Variants in PLA2G4F observed in about 807,000 individuals in gnomAD.
PLA2G4F encodes the protein cytosolic phospholipase A2 zeta.
PLA2G4F carries 105 observed loss-of-function variants against 103.1 expected under a neutral mutation model. The ratio of observed to expected loss-of-function variants is 1.02; its 90% CI spans 0.87 to 1.20. The LOEUF (loss-of-function observed/expected upper bound fraction) is 1.20. Among genes scored for constraint, PLA2G4F ranks in the 50% most tolerant of loss-of-function variants. PLA2G4F has a pLI of 0.00. For missense variants in PLA2G4F, 1,155 were observed against 1,075.9 expected, an observed-to-expected ratio of 1.07 and a Z score of -1.03; for synonymous variants, 468 against 441.1, an observed-to-expected ratio of 1.06 and a Z score of -0.76.
chr15:42,148,671 C>T, intron 11 of PLA2G4F: 1 of 985,396 alleles, frequency 1.0e-6, no homozygotes, highest in South Asian at 4.7e-5. Context: ...TAGACCTGCC[C>T]CCAGGCACCA....
chr15:42,154,370 G>T lies in PLA2G4F; in HGVS notation c.273C>A (p.Asp91Glu). ...AQTRIVANCS[D>E]PEWNETFHYQ... is the part of the protein sequence containing the mutation. ...AGTGGAAGGTCTCATTCCACTCGGG[G>T]TCACTGCAGTTGGCCACTATCCTAG... is the stretch of plus-strand genomic sequence containing the variant. Residue 91 changes from aspartate (D) to glutamate (E), a missense_variant, in exon 3 of 20, where the codon GAC becomes GAA. Around this residue, in one of 3 missense-constraint regions of PLA2G4F, gnomAD observed 370 missense variants for 364.9 expected, o/e 1.01. Coordinates refer to ENST00000397272, the MANE Select transcript of PLA2G4F (RefSeq NM_213600.4). 1.2e-6 allele frequency: 2 copies of T among 1,612,320 alleles called. No individual in the cohort carries two copies. The highest frequency in any genetic ancestry group is 1.7e-6 in the Non-Finnish European group (2 of 1,178,844).
In PLA2G4F at chr15:42,154,410, G is replaced by C; in HGVS notation, c.233C>G (p.Pro78Arg). The change falls in exon 3 of 20, where the codon CCA (proline) becomes CGA (arginine). Residue 78 changes from proline (P) to arginine (R), a missense_variant. By Grantham distance (103) the Pro-to-Arg change is moderately radical. Around this residue, in one of 3 missense-constraint regions of PLA2G4F, gnomAD observed 370 missense variants for 364.9 expected, o/e 1.01. Transcript: ENST00000397272. ...CACTATCCTAGTCTGGGCAGGGCTT[G>C]GGGACGCCGTGGGCAGCCACAGTTG... ...YVQLWLPTAS[P>R]SPAQTRIVAN... The C allele has an allele frequency of 6.2e-7, 1 of 1,610,168 alleles. No homozygotes were observed. Among genetic ancestry groups the C allele is most frequent in the Non-Finnish European group, 8.5e-7 (1 of 1,177,270 alleles).
intron 18 of PLA2G4F, 77 bp downstream of exon 18, chr15:42,143,901 C>G (rs1039083756): frequency 1.3e-6 from 2 of 1,485,884 alleles, no homozygotes; most frequent in Non-Finnish European, 1.8e-6. Context: ...CCAGAGCCTT[C>G]TTTCCCCTCC....
intron 16 of PLA2G4F, 54 bp from the exon 17 acceptor site, chr15:42,144,698 C>A (rs2048863494): frequency 6.7e-7 from 1 of 1,485,002 alleles, no homozygotes. Context: ...CTCCTTTGCC[C>A]AGTGGTCCTT....
chr15:42,155,930 G>A (rs1414617103), intron 1 of PLA2G4F, among the ~76,000 whole-genome samples: 1 of 152,154 alleles, frequency 6.6e-6, no homozygotes, highest in Non-Finnish European at 1.5e-5. Flanking sequence ...TGCTAATGTT[G>A]TGCTTGAGAA....
At position 42,155,519 on chromosome 15, in the gene PLA2G4F, AG is replaced by A. The variant is rs1566883069; in HGVS notation, c.181del (p.Leu61CysfsTer25). 6.2e-7 allele frequency: 1 copy of A among 1,613,990 alleles called. No homozygotes were observed. The highest frequency in any genetic ancestry group is 2.2e-5 in the East Asian group (1 of 44,888). On this transcript the variant is annotated frameshift_variant, in exon 2 of 20. Coordinates refer to ENST00000397272, the MANE Select transcript of PLA2G4F (RefSeq NM_213600.4). LOFTEE classifies it high-confidence loss of function. Reference protein sequence around the residue: ...LRATNIRGTDLLSKADCYVQL... With the variant: ...LRATNIRGTDXLSKADCYVQL... ...AGGATGGAGATGGGGTCACTCACGC[AG>A]GTCTGTGCCCCGGATGTTTGTGGCC...
intron 1 of PLA2G4F, 35 bp from the exon 2 acceptor site, chr15:42,155,624 A>G: frequency 6.3e-7 from 1 of 1,597,988 alleles, no homozygotes; most frequent in Non-Finnish European, 8.6e-7. Context: ...TCAGTCAGCT[A>G]GTGTGAGCCT....
In PLA2G4F at chr15:42,154,233, C is replaced by G. The variant is rs763901294; in HGVS notation, c.322-13G>C. On this transcript the variant is annotated splice_polypyrimidine_tract_variant and intron_variant, in intron 3 of 19. Transcript: ENST00000397272. ...GCTCCAGGACGTTCTGGGGACAAGGCAGGCAGGAGGTCCGAGCATGAGGTA... is the reference window on the plus strand; with the variant it reads ...GCTCCAGGACGTTCTGGGGACAAGGGAGGCAGGAGGTCCGAGCATGAGGTA... The G allele has an allele frequency of 5.6e-6, 9 of 1,614,034 alleles. No homozygotes were observed. In the African/African-American group the frequency reaches 1.1e-4, roughly 19 times the overall value.
Position 42,142,168 on chromosome 15 carries a change from C to G in PLA2G4F, c.2366G>C (p.Gly789Ala). The G allele has an allele frequency of 1.2e-6, 2 of 1,613,956 alleles. No individual in the cohort carries two copies. Among genetic ancestry groups the G allele is most frequent in the Non-Finnish European group, 1.7e-6 (2 of 1,179,906 alleles). ...ERQTAEEKAF[G>A]DFVINRPDTP... ...GTCTGGCCTGTTGATGACAAAGTCC[C>G]CAAAGGCCTTCTCCTCAGCTGTTTG... is the stretch of plus-strand genomic sequence containing the variant. The change falls in exon 20 of 20, where the codon GGG becomes GCG. Residue 789 changes from glycine to alanine, a missense_variant. By Grantham distance (60) the Gly-to-Ala change is moderately conservative. This residue lies in a region of PLA2G4F where 782 missense variants were observed against 692.9 expected (regional missense o/e 1.13). Transcript: ENST00000397272.
rs995877073 is a variant in PLA2G4F at position 42,154,199 on chromosome 15, A to G, written c.343T>C (p.Tyr115His). 2 of 1,614,198 alleles carry G rather than the reference A, an allele frequency of 1.2e-6. No homozygotes were observed. Among genetic ancestry groups the G allele is most frequent in the African/African-American group, 1.3e-5 (1 of 75,062 alleles). ...AVKNVLELTLYDKDILGSDQL... is the reference protein window; with the variant it reads ...AVKNVLELTLHDKDILGSDQL... ...TCGCTGCCCAGGATGTCCTTGTCAT[A>G]GAGGGTGAGCTCCAGGACGTTCTGG... is the stretch of plus-strand genomic sequence containing the variant. The change falls in exon 4 of 20, where the codon TAT becomes CAT. Residue 115 changes from tyrosine (Y) to histidine (H), a missense_variant. By Grantham distance (83) the Tyr-to-His change is moderately conservative (BLOSUM62 2). Coordinates refer to ENST00000397272, the MANE Select transcript of PLA2G4F (RefSeq NM_213600.4).
intron 11 of PLA2G4F, chr15:42,148,984 C>T (rs2048923843): frequency 1.0e-6 from 1 of 985,264 alleles, no homozygotes; most frequent in Non-Finnish European, 1.2e-6. Flanking sequence ...ATAGCGTCTC[C>T]TGAGGACTCA....
chr15:42,143,890 A>C (rs2048850234), intron 18 of PLA2G4F, 88 bp downstream of exon 18: 12 of 1,461,924 alleles, frequency 8.2e-6, no homozygotes, highest in African/African-American at 1.4e-5. Context: ...AGTCCCCCTC[A>C]CCAGAGCCTT....
intron 10 of PLA2G4F, 64 bp downstream of exon 10, chr15:42,150,040 T>C (rs1019097545): frequency 6.9e-6 from 11 of 1,604,368 alleles, no homozygotes; most frequent in African/African-American, 2.7e-5. Context: ...ATGGAGCACG[T>C]TGGGGTATGT....
Position 42,155,589 on chromosome 15 carries a change from G to T in PLA2G4F, c.112C>A (p.Arg38=). 1 of 1,613,854 alleles carries T rather than the reference G, an allele frequency of 6.2e-7. No homozygotes were observed. Among genetic ancestry groups the T allele is most frequent in the Non-Finnish European group, 8.5e-7 (1 of 1,179,776 alleles). ...KRGPLWRHWR[R]ETYPYYDLQV... ...AGGTCATAGTATGGGTAGGTTTCCC[G>T]CTGCAATAACAGAACTCCAGGGACT... The change falls in exon 2 of 20, where the codon CGG becomes AGG. Residue 38 remains arginine, a splice_region_variant and synonymous_variant. Coordinates refer to ENST00000397272, the MANE Select transcript of PLA2G4F (RefSeq NM_213600.4).
chr15:42,154,960 C>T (rs1018560699), intron 2 of PLA2G4F, among the ~76,000 whole-genome samples: 2 of 151,750 alleles, frequency 1.3e-5, no homozygotes, highest in Non-Finnish European at 2.9e-5. Flanking sequence ...CACTCTTGCA[C>T]TCATGCACGC....
At chr15:42,147,022 G>A (rs2048894911) in intron 13 of PLA2G4F, 102 bp downstream of exon 13, 2 of 1,194,620 alleles carry the variant, frequency 1.7e-6, no homozygotes, top group Non-Finnish European at 2.3e-6. Flanking sequence ...CTCAGGAACA[G>A]CTTTGTAAAT....
At chr15:42,144,778 C>G in intron 16 of PLA2G4F, 134 bp from the exon 17 acceptor site, 1 of 931,738 alleles carries the variant, frequency 1.1e-6, no homozygotes, top group South Asian at 2.1e-5. Context: ...ACCCCACCTC[C>G]CAAGCCTCTG....
chr15:42,146,019 A>G, intron 14 of PLA2G4F, 108 bp downstream of exon 14: 1 of 1,585,084 alleles, frequency 6.3e-7, no homozygotes, highest in Non-Finnish European at 8.6e-7. Flanking sequence ...GCTGTGCTCC[A>G]AGGTGCCTGT....
intron 7 of PLA2G4F, among the ~76,000 whole-genome samples, chr15:42,152,461 T>C (rs1451859405): frequency 6.6e-6 from 1 of 152,244 alleles, no homozygotes; most frequent in Non-Finnish European, 1.5e-5. Flanking sequence ...ACTGAGATCA[T>C]GTGAGTGTTT....
Sources: allele counts gnomAD v4.1 joint callset (sites outside exome capture counted in the v4.1 genomes callset), GRCh38; gene constraint gnomAD v4.1.1; regional missense constraint gnomAD v4.1.1; transcripts MANE v1.5; gene names NCBI Gene and HGNC (gene_info 2026-07-23, HGNC 2026-07-21).